The following SLC35F1 variants were observed in gnomAD, a reference collection of about 807,000 sequenced individuals.
SLC35F1 encodes chromosome 6 open reading frame 169.
SLC35F1 carries 14 observed loss-of-function variants against 48.7 expected under a neutral mutation model. That is an observed-to-expected ratio of 0.29 (90% CI 0.19 to 0.45). The LOEUF (loss-of-function observed/expected upper bound fraction) is 0.45, where lower values mean the gene tolerates loss of function less well. Ranked by LOEUF, SLC35F1 falls within the 20% of genes least tolerant of loss-of-function variation. The pLI, the probability that SLC35F1 is intolerant of heterozygous loss-of-function variation, is 1.00. For synonymous variants in SLC35F1, 190 were observed against 202.2 expected (o/e 0.94, Z 0.51); for missense variants, 404 against 500.0 (o/e 0.81, Z 1.83).
chr6:118,052,584 C>T (rs567035670), intron 1 of SLC35F1, among the ~76,000 whole-genome samples: 1 of 152,268 alleles, frequency 6.6e-6, no homozygotes, highest in Admixed American at 6.5e-5. Context: ...ATATTATCAC[C>T]TTCTTTTCAA....
chr6:118,063,211 A>C (rs142407493), intron 1 of SLC35F1, among the ~76,000 whole-genome samples: 1 of 152,260 alleles, frequency 6.6e-6, no homozygotes, highest in East Asian at 1.9e-4. Context: ...AAATATCCTA[A>C]ATTTTTTTCA....
intron 1 of SLC35F1, among the ~76,000 whole-genome samples, chr6:118,140,009 A>G (rs1773859860): frequency 1.3e-5 from 2 of 152,202 alleles, no homozygotes; most frequent in South Asian, 4.1e-4. Context: ...CTTTAAAAAA[A>G]TGGATGAAGC....
intron 3 of SLC35F1, among the ~76,000 whole-genome samples, chr6:118,255,311 G>A (rs1775628052): frequency 6.6e-6 from 1 of 152,166 alleles, no homozygotes; most frequent in African/African-American, 2.4e-5. Flanking sequence ...CAGGGAGCCT[G>A]GCATATAGTA....
chr6:118,224,522 G>A (rs956472878), intron 2 of SLC35F1, among the ~76,000 whole-genome samples: 3 of 152,066 alleles, frequency 2.0e-5, no homozygotes, highest in African/African-American at 7.2e-5. Flanking sequence ...AGCCTCCTGA[G>A]TATCCGGGAC....
chr6:118,202,338 T>TA lies in SLC35F1; in HGVS notation c.350-33162dup, dbSNP rs201526146. On this transcript the variant is annotated intron_variant, in intron 2 of 7. Transcript: ENST00000360388. ...AGAGAGCTTCCATCACTACAAAAATTAAAAAAAAATTAGCTAGGCATGGTG... is the reference window on the plus strand; with the variant it reads ...AGAGAGCTTCCATCACTACAAAAATTAAAAAAAAAATTAGCTAGGCATGGTG... Among the ~76,000 whole-genome samples the TA allele has an allele frequency of 2.0e-3, 299 of 151,018 alleles. 2 individuals are homozygous for TA. Among genetic ancestry groups the TA allele is most frequent in the African/African-American group, 6.5e-3 (268 of 41,140 alleles).
chr6:118,286,907 A>G (rs911542009), intron 7 of SLC35F1, among the ~76,000 whole-genome samples: 1 of 152,100 alleles, frequency 6.6e-6, no homozygotes, highest in Non-Finnish European at 1.5e-5. Context: ...TTAGGTCTCC[A>G]GAACTTACTC....
chr6:118,284,008 T>C (rs1776019621), intron 6 of SLC35F1, among the ~76,000 whole-genome samples: 1 of 152,246 alleles, frequency 6.6e-6, no homozygotes, highest in African/African-American at 2.4e-5. Flanking sequence ...CTGAGTTTAC[T>C]TACTTATGTT....
At chr6:118,163,272 T>C (rs1025556687) in intron 2 of SLC35F1, among the ~76,000 whole-genome samples, 1 of 152,154 alleles carries the variant, frequency 6.6e-6, no homozygotes, top group African/African-American at 2.4e-5. Flanking sequence ...CCAATGTGTA[T>C]GAATCTTAAA....
intron 1 of SLC35F1, among the ~76,000 whole-genome samples, chr6:118,024,937 A>G (rs1743292133): frequency 6.6e-6 from 1 of 152,128 alleles, no homozygotes; most frequent in Admixed American, 6.5e-5. Context: ...TGTATTTTTT[A>G]AATAAGACTT....
rs59588804 is a variant in SLC35F1, at chr6:118,122,246, G to GAA, written c.174-32188_174-32187dup. ...TTTTCTCCTTTTTTTGTTCTACTCA[G>GAA]AAAAAAAAAAAACATGAAAATGCAA... is the stretch of plus-strand genomic sequence containing the variant. On this transcript the variant is annotated intron_variant, in intron 1 of 7. Transcript: ENST00000360388. Among the ~76,000 whole-genome samples the GAA allele has an allele frequency of 1.2e-3, 165 of 140,544 alleles. 1 individual carries two copies. Among genetic ancestry groups the GAA allele is most frequent in the Middle Eastern group, 3.6e-3 (1 of 276 alleles). 92.2% of individuals were successfully genotyped at this position (140,544 alleles called of 152,430 possible).
chr6:118,123,944 G>C (rs915421150), intron 1 of SLC35F1, among the ~76,000 whole-genome samples: 3 of 152,142 alleles, frequency 2.0e-5, no homozygotes, highest in Non-Finnish European at 4.4e-5. Context: ...GGCAAAGTCA[G>C]TAAAATGGTC....
intron 2 of SLC35F1, among the ~76,000 whole-genome samples, chr6:118,199,997 T>C (rs1213602421): frequency 3.9e-5 from 6 of 152,132 alleles, no homozygotes; most frequent in Non-Finnish European, 8.8e-5. Flanking sequence ...ATGTGATGAC[T>C]GGGTCAAAGA....
intron 1 of SLC35F1, among the ~76,000 whole-genome samples, chr6:118,151,487 ATTATAC>A (rs923498359): frequency 2.0e-5 from 3 of 152,108 alleles, no homozygotes; most frequent in East Asian, 1.9e-4. Flanking sequence ...GTCAGTAGAT[ATTATAC>A]TTATCTTAGG....
chr6:118,203,892 T>C (rs1030998279), intron 2 of SLC35F1, among the ~76,000 whole-genome samples: 1 of 152,198 alleles, frequency 6.6e-6, no homozygotes, highest in African/African-American at 2.4e-5. Flanking sequence ...GTGCAATGTC[T>C]AGACAGTATA....
chr6:118,009,402 A>G (rs1366932086), intron 1 of SLC35F1, among the ~76,000 whole-genome samples: 1 of 152,202 alleles, frequency 6.6e-6, no homozygotes, highest in Non-Finnish European at 1.5e-5. Context: ...TTGCTCAGTA[A>G]ATCCCAGAAT....
chr6:118,152,619 A>G (rs550319954), intron 1 of SLC35F1, among the ~76,000 whole-genome samples: 2 of 152,272 alleles, frequency 1.3e-5, no homozygotes, highest in South Asian at 4.1e-4. Flanking sequence ...CCTGAAGTAC[A>G]GGGAAGCTAT....
intron 1 of SLC35F1, among the ~76,000 whole-genome samples, chr6:118,099,724 T>A (rs1773230171): frequency 6.6e-6 from 1 of 152,194 alleles, no homozygotes; most frequent in Non-Finnish European, 1.5e-5. Flanking sequence ...CAGTGCCATC[T>A]GCCTCCACAG....
intron 1 of SLC35F1, among the ~76,000 whole-genome samples, chr6:118,007,836 G>A (rs1433334022): frequency 1.3e-5 from 2 of 152,100 alleles, no homozygotes; most frequent in African/African-American, 2.4e-5. Flanking sequence ...GTTTTAGGTT[G>A]AGCTGCAGTT....
At chr6:117,929,681 C>T (rs1776075711) in intron 1 of SLC35F1, among the ~76,000 whole-genome samples, 2 of 152,056 alleles carry the variant, frequency 1.3e-5, no homozygotes, top group African/African-American at 4.8e-5. Context: ...TTAAGACCTT[C>T]AACTGATTGG....
Sources: allele counts gnomAD v4.1 joint callset (sites outside exome capture counted in the v4.1 genomes callset), GRCh38; gene constraint gnomAD v4.1.1; transcripts MANE v1.5; gene names NCBI Gene and HGNC (gene_info 2026-07-23, HGNC 2026-07-21).